PDRG1: variants seen among roughly 807,000 people sequenced by gnomAD.
PDRG1 encodes p53 and DNA damage regulated 1.
PDRG1 carries 14 observed loss-of-function variants against 18.4 expected under a neutral mutation model. The observed-to-expected ratio is 0.76, with a 90% CI of 0.50 to 1.19. The LOEUF is 1.19. Among genes scored for constraint, PDRG1 ranks in the 50% most tolerant of loss-of-function variants. The probability of loss-of-function intolerance (pLI) is 0.00; values close to 1 mark genes in which losing one functional copy is unlikely to be tolerated. For missense variants in PDRG1, 177 were observed against 160.1 expected (o/e 1.11, Z -0.57); for synonymous variants, 65 against 60.9 (o/e 1.07, Z -0.31).
intron 3 of PDRG1, among the ~76,000 whole-genome samples, chr20:31,948,298 T>C (rs1343332563): frequency 6.6e-6 from 1 of 152,208 alleles, no homozygotes; most frequent in Non-Finnish European, 1.5e-5. Context: ...GAGATGGCCT[T>C]ACTTCCAAAA....
chr20:31,947,825 G>A (rs1481215006), intron 3 of PDRG1, among the ~76,000 whole-genome samples: 1 of 152,112 alleles, frequency 6.6e-6, no homozygotes, highest in African/African-American at 2.4e-5. Flanking sequence ...GGGAGGCAAA[G>A]GTTGCAGTGA....
intron 3 of PDRG1, among the ~76,000 whole-genome samples, chr20:31,948,194 A>G (rs1165326208): frequency 2.0e-5 from 3 of 152,206 alleles, no homozygotes; most frequent in African/African-American, 7.2e-5. Context: ...GGGCATGTAA[A>G]AAAGAAAAGC....
intron 4 of PDRG1, 95 bp from the exon 5 acceptor site, chr20:31,945,984 A>G: frequency 9.8e-7 from 1 of 1,022,398 alleles, no homozygotes; most frequent in Non-Finnish European, 1.5e-6. Flanking sequence ...ATGCTGCCAA[A>G]CTCAGCCTGG....
chr20:31,946,913 C>T (rs147982244), intron 3 of PDRG1, among the ~76,000 whole-genome samples: 2 of 152,302 alleles, frequency 1.3e-5, no homozygotes, highest in East Asian at 3.9e-4. Flanking sequence ...AATGCACAAA[C>T]AAAATAAGCA....
At chr20:31,946,428 C>T in intron 4 of PDRG1, 68 bp downstream of exon 4, 1 of 1,423,356 alleles carries the variant, frequency 7.0e-7, no homozygotes, top group Non-Finnish European at 9.9e-7. Flanking sequence ...ACTTCCCATC[C>T]CTGCCCTTCA....
chr20:31,945,192 G>A lies in PDRG1; in HGVS notation c.*615C>T, dbSNP rs41293122. 5.4e-3 allele frequency: 827 copies of A among 152,800 alleles called. 9 individuals are homozygous for A. Among genetic ancestry groups the A allele is most frequent in the Non-Finnish European group, 8.1e-3 (554 of 68,232 alleles). 9.5% of individuals were successfully genotyped at this position (152,800 alleles called of 1,614,324 possible). A position where few individuals can be genotyped will look rare whatever the true frequency, so the allele number is the denominator to read the frequency against. ...ACTCTGCAAGGCCCTCCTGAGTAAA[G>A]AGTGGCCACGAAGGGCTGCTAGGCA... On this transcript the variant is annotated 3_prime_UTR_variant, in exon 5 of 5. Transcript: ENST00000202017.
chr20:31,949,313 T>A (rs755018548), intron 2 of PDRG1, among the ~76,000 whole-genome samples: 6 of 152,268 alleles, frequency 3.9e-5, no homozygotes, highest in Admixed American at 6.5e-5. Flanking sequence ...GGCTCACGCC[T>A]GTAATCCCAG....
chr20:31,946,646 G>A, intron 3 of PDRG1, 70 bp from the exon 4 acceptor site: 1 of 1,364,970 alleles, frequency 7.3e-7, no homozygotes, highest in South Asian at 1.2e-5. Flanking sequence ...TAGTGGAGAG[G>A]CCAGCCTCTC....
rs761250086 is a variant in PDRG1 at position 31,946,487 on chromosome 20, A to C, written c.319+9T>G. ...CCCTTCTTATCTCCAGTCCCTGCTA[A>C]GCCAATACCTTGGGCCTCAAAAAGG... On this transcript the variant is annotated intron_variant, in intron 4 of 4. Coordinates refer to ENST00000202017, the MANE Select transcript of PDRG1 (RefSeq NM_030815.3). 6.3e-7 allele frequency: 1 copy of C among 1,594,014 alleles called. No individual in the cohort carries two copies.
At chr20:31,950,053 G>A (rs2064342536) in intron 2 of PDRG1, among the ~76,000 whole-genome samples, 1 of 152,138 alleles carries the variant, frequency 6.6e-6, no homozygotes, top group Non-Finnish European at 1.5e-5. Context: ...TACACCCCCG[G>A]CACTCTCTCA....
Position 31,945,857 on chromosome 20 carries a change from G to A in PDRG1, c.352C>T (p.Pro118Ser), listed in dbSNP as rs2064312456. 6.2e-7 allele frequency: 1 copy of A among 1,613,874 alleles called. No homozygotes were observed. The highest frequency in any genetic ancestry group is 8.5e-7 in the Non-Finnish European group (1 of 1,179,970). The change falls in exon 5 of 5, where the codon CCC becomes TCC. Residue 118 changes from proline (P) to serine (S), a missense_variant. Coordinates refer to ENST00000202017, the MANE Select transcript of PDRG1 (RefSeq NM_030815.3). ...GCTTTAAGCTCATCCTGGTTGAGGG[G>A]GTTCAAGTTAAAACCCTTCAGCTCC... ...KPELKGFNLN[P>S]LNQDELKALK...
intron 2 of PDRG1, 135 bp downstream of exon 2, chr20:31,950,177 G>T: frequency 2.7e-6 from 2 of 729,028 alleles, no homozygotes; most frequent in Non-Finnish European, 4.6e-6. Context: ...CCATCTCCCC[G>T]GACTGTTTCA....
At chr20:31,951,746 G>A (rs1600647245) in intron 1 of PDRG1, 129 bp downstream of exon 1, 2 of 971,466 alleles carry the variant, frequency 2.1e-6, no homozygotes, top group Non-Finnish European at 2.9e-6. Context: ...AGTAGCGGCC[G>A]AATATTTATC....
chr20:31,947,932 TC>T (rs1053804025), intron 3 of PDRG1, among the ~76,000 whole-genome samples: 1 of 152,092 alleles, frequency 6.6e-6, no homozygotes, highest in African/African-American at 2.4e-5. Context: ...TATGAAGACA[TC>T]CTGTCTTCAG....
In PDRG1 at chr20:31,950,304, C is replaced by A; in HGVS notation, c.163+8G>T. 1.9e-6 allele frequency: 3 copies of A among 1,598,322 alleles called. No individual in the cohort carries two copies. The South Asian group carries it at 3.3e-5, about 18-fold the overall frequency. On this transcript the variant is annotated splice_region_variant and intron_variant, in intron 2 of 4. Transcript: ENST00000202017. ...CTCCAGGGCTGCACTGAGAAAATTT[C>A]AACTTACCAGAGAGGCTGAGATCCT...
intron 3 of PDRG1, among the ~76,000 whole-genome samples, chr20:31,947,522 C>A (rs1244439241): frequency 6.6e-6 from 1 of 152,224 alleles, no homozygotes; most frequent in Non-Finnish European, 1.5e-5. Context: ...AATTTTATAA[C>A]CATAATATTA....
At position 31,951,884 on chromosome 20, in the gene PDRG1, G is replaced by C; in HGVS notation, c.78C>G (p.Asp26Glu). The C allele has an allele frequency of 1.3e-6, 2 of 1,585,920 alleles. No homozygotes were observed. Among genetic ancestry groups the C allele is most frequent in the Non-Finnish European group, 8.6e-7 (1 of 1,167,736 alleles). ...CGGAGGGGCCTCTCACCTGCCGCTT[G>C]TCCGCCAGCACCTCCTCGGCGAGCT... ...VEELAEEVLA[D>E]KRQIVDLDTK... is the part of the protein sequence containing the mutation. Residue 26 changes from aspartate (D) to glutamate (E), a missense_variant, in exon 1 of 5, where the codon GAC (aspartate) becomes GAG (glutamate). Physicochemically the swap from Asp to Glu is conservative, Grantham distance 45 (BLOSUM62 2). Transcript: ENST00000202017.
chr20:31,950,587 T>TC (rs1359551630), intron 1 of PDRG1, among the ~76,000 whole-genome samples, 200 bp from the exon 2 acceptor site: 7 of 152,310 alleles, frequency 4.6e-5, no homozygotes, highest in Admixed American at 1.3e-4. Context: ...AGCTGCCCTC[T>TC]CCCCAGAAAA....
Position 31,950,510 on chromosome 20 carries a change from T to C in PDRG1, c.88-123A>G, listed in dbSNP as rs961190932. The C allele has an allele frequency of 7.1e-6, 5 of 704,412 alleles. No homozygotes were observed. The Admixed American group carries it at 7.4e-5, about 10-fold the overall frequency. 43.6% of individuals were successfully genotyped at this position (704,412 alleles called of 1,614,324 possible). A position where few individuals can be genotyped will look rare whatever the true frequency, so the allele number is the denominator to read the frequency against. ...ATTACATTCAACGTCCTGCCTAAAA[T>C]GGATTGATGTGTGAATGTATTTCTT... On this transcript the variant is annotated intron_variant, in intron 1 of 4. Transcript: ENST00000202017.
Sources: allele counts gnomAD v4.1 joint callset (sites outside exome capture counted in the v4.1 genomes callset), GRCh38; gene constraint gnomAD v4.1.1; transcripts MANE v1.5; gene names NCBI Gene and HGNC (gene_info 2026-07-23, HGNC 2026-07-21).